The following C8B variants were observed in gnomAD, a reference collection of about 807,000 sequenced individuals.
C8B encodes the protein complement component C8 beta chain.
Under a neutral mutation model 64.6 loss-of-function variants are expected in C8B, and 67 were observed. That is an observed-to-expected ratio of 1.04 (90% CI 0.85 to 1.27). The LOEUF is 1.27. C8B is among the 50% of genes most tolerant of loss of function. C8B has a pLI of 0.00. For synonymous variants in C8B, 284 were observed against 257.7 expected (o/e 1.10, Z -0.98); for missense variants, 790 against 725.2 (o/e 1.09, Z -1.03).
At chr1:56,963,784 T>C in intron 1 of C8B, 2 of 790,546 alleles carry the variant, frequency 2.5e-6, no homozygotes, top group Non-Finnish European at 3.1e-6. Context: ...GGAATAGCTG[T>C]GAGGATTATA....
chr1:56,943,002 G>A (rs1164846149), intron 8 of C8B, among the ~76,000 whole-genome samples: 1 of 151,842 alleles, frequency 6.6e-6, no homozygotes, highest in Non-Finnish European at 1.5e-5. Context: ...AGGCTGAGGT[G>A]AGAGGATTGC....
At chr1:56,931,199 A>G (rs1644696192) in intron 11 of C8B, among the ~76,000 whole-genome samples, 1 of 152,230 alleles carries the variant, frequency 6.6e-6, no homozygotes, top group African/African-American at 2.4e-5. Flanking sequence ...AACTGGCCAA[A>G]GAATTTGAGA....
chr1:56,949,622 A>G lies in C8B; in HGVS notation c.797T>C (p.Leu266Pro). 5.6e-6 allele frequency: 9 copies of G among 1,614,128 alleles called. No homozygotes were observed. The highest frequency in any genetic ancestry group is 7.6e-6 in the Non-Finnish European group (9 of 1,179,990). The change falls in exon 6 of 12, where the codon CTT (leucine) becomes CCT (proline). Residue 266 changes from leucine to proline, a missense_variant. Transcript: ENST00000371237. The part of the protein sequence containing the change: ...FGFKIPGIFE[L>P]GISSQSDRGK... ...TCGATCACTTTGACTACTGATGCCA[A>G]GTTCAAATATTCCAGGTATTTTAAA... is the stretch of plus-strand genomic sequence containing the variant.
rs927015641 is a variant in C8B, at chr1:56,959,433, G to C, written c.249+587C>G. On this transcript the variant is annotated intron_variant, in intron 2 of 11. Coordinates refer to ENST00000371237, the MANE Select transcript of C8B (RefSeq NM_000066.4). The stretch of plus-strand genomic sequence containing the variant: ...CAACTGGAGGTAGGGCTGAGGAGGA[G>C]TCAAAAAGCTTTCTCAAAAGAGGCA... 4.0e-6 allele frequency: 3 copies of C among 754,876 alleles called. No individual in the cohort carries two copies. The Admixed American group carries it at 6.1e-5, about 15-fold the overall frequency. The allele number at this position is 754,876 out of a possible 1,614,324, so 46.8% of individuals were successfully genotyped here.
intron 2 of C8B, among the ~76,000 whole-genome samples, chr1:56,957,123 A>G (rs533596476): frequency 3.9e-5 from 6 of 152,186 alleles, no homozygotes; most frequent in African/African-American, 1.2e-4. Context: ...GGTTTCTTCA[A>G]TTAGTCTGTG....
rs1384677909 is a variant in C8B at position 56,949,744 on chromosome 1, G to T, written c.675C>A (p.Gly225=). 6.2e-6 allele frequency: 10 copies of T among 1,611,196 alleles called. No homozygotes were observed. Among genetic ancestry groups the T allele is most frequent in the Admixed American group, 1.7e-5 (1 of 59,972 alleles). Residue 225 remains glycine (G), a synonymous_variant, in exon 6 of 12, where the codon GGC becomes GGA. Coordinates refer to ENST00000371237, the MANE Select transcript of C8B (RefSeq NM_000066.4). ...ACTCTTTTAATATGAATTCGTATTT[G>T]CCTTGGGTCTAAAGAAGAAAAAAGA... The part of the protein sequence containing the change: ...NVESYTPQTQ[G]KYEFILKEYE...
intron 1 of C8B, among the ~76,000 whole-genome samples, chr1:56,965,163 G>C (rs1021922822): frequency 6.6e-6 from 1 of 152,138 alleles, no homozygotes; most frequent in Non-Finnish European, 1.5e-5. Context: ...CATGGAGGCC[G>C]GGGACACATG....
chr1:56,945,877 A>C lies in C8B; in HGVS notation c.1049T>G (p.Leu350Arg). The C allele has an allele frequency of 6.2e-7, 1 of 1,614,104 alleles. No homozygotes were observed. The highest frequency in any genetic ancestry group is 8.5e-7 in the Non-Finnish European group (1 of 1,179,986). The change falls in exon 7 of 12, where the codon CTT (leucine) becomes CGT (arginine). Residue 350 changes from leucine to arginine, a missense_variant. Transcript: ENST00000371237. The stretch of plus-strand genomic sequence containing the variant: ...GAGGGTGTATTCATAAATGCCCCCA[A>C]GCACAGCCTCTGTGATGTAGTGGGT... ...FGTHYITEAV[L>R]GGIYEYTLVM...
intron 1 of C8B, 104 bp downstream of exon 1, chr1:56,965,753 G>A (rs542447186): frequency 2.1e-4 from 262 of 1,260,442 alleles, no homozygotes; most frequent in Non-Finnish European, 2.8e-4. Flanking sequence ...CTTAAGAGAC[G>A]TTCCTCATTC....
intron 5 of C8B, among the ~76,000 whole-genome samples, chr1:56,951,572 A>G (rs1199943974): frequency 3.3e-5 from 5 of 152,214 alleles, no homozygotes; most frequent in African/African-American, 1.2e-4. Context: ...TTTGATAAGA[A>G]TGCAATAACA....
At position 56,960,186 on chromosome 1, in the gene C8B, A is replaced by AT; in HGVS notation, c.93-11dup. 6.2e-7 allele frequency: 1 copy of AT among 1,613,812 alleles called. No homozygotes were observed. Among genetic ancestry groups the AT allele is most frequent in the Non-Finnish European group, 8.5e-7 (1 of 1,179,782 alleles). On this transcript the variant is annotated splice_polypyrimidine_tract_variant and intron_variant, in intron 1 of 11. Transcript: ENST00000371237. ...ATGTGGCCTTTCACCTCTAAAAGTC[A>AT]TTATGAGAGAAGAGAGTCACGTATC...
At position 56,954,775 on chromosome 1, in the gene C8B, G is replaced by T; in HGVS notation, c.444C>A (p.Asp148Glu). 3 of 1,613,832 alleles carry T rather than the reference G, an allele frequency of 1.9e-6. No homozygotes were observed. Among genetic ancestry groups the T allele is most frequent in the Non-Finnish European group, 2.5e-6 (3 of 1,179,782 alleles). ...TTCTACAGTTTGCTTCATCTGACTG[G>T]TCTCCACAGTCATTGTCCCCATTGC... ...LLCNGDNDCG[D>E]QSDEANCRRI... is the part of the protein sequence containing the mutation. The change falls in exon 4 of 12, where the codon GAC becomes GAA. Residue 148 changes from aspartate to glutamate, a missense_variant. Coordinates refer to ENST00000371237, the MANE Select transcript of C8B (RefSeq NM_000066.4).
In C8B at chr1:56,960,089, C is replaced by G; in HGVS notation, c.180G>C (p.Leu60=). 6.2e-7 allele frequency: 1 copy of G among 1,614,110 alleles called. No individual in the cohort carries two copies. Among genetic ancestry groups the G allele is most frequent in the Non-Finnish European group, 8.5e-7 (1 of 1,180,004 alleles). Reference sequence around the variant, plus strand: ...TAGACAGCTCACAATCAATGGGCATCAGGGTAACATCCACACTCCGCATCT... The same window carrying G: ...TAGACAGCTCACAATCAATGGGCATGAGGGTAACATCCACACTCCGCATCT... The part of the protein sequence containing the change: ...SRQMRSVDVT[L]MPIDCELSSW... Residue 60 remains leucine, a synonymous_variant, in exon 2 of 12, where the codon CTG becomes CTC. Coordinates refer to ENST00000371237, the MANE Select transcript of C8B (RefSeq NM_000066.4).
At chr1:56,941,083 C>T in intron 8 of C8B, 71 bp from the exon 9 acceptor site, 3 of 1,539,434 alleles carry the variant, frequency 1.9e-6, no homozygotes, top group Non-Finnish European at 2.7e-6. Context: ...TGCAACCCAA[C>T]CAACAATTTG....
chr1:56,935,308 A>G (rs549762055), intron 9 of C8B, among the ~76,000 whole-genome samples: 9 of 152,190 alleles, frequency 5.9e-5, no homozygotes, highest in African/African-American at 2.2e-4. Flanking sequence ...AATATAGCAC[A>G]TTCGTCTGTT....
At position 56,943,693 on chromosome 1, in the gene C8B, C is replaced by G. The variant is rs775529138; in HGVS notation, c.1234+3G>C. On this transcript the variant is annotated splice_donor_region_variant and intron_variant, in intron 8 of 11. Coordinates refer to ENST00000371237, the MANE Select transcript of C8B (RefSeq NM_000066.4). ...GTGGAAGTCACAAGCCCCTGTCACT[C>G]ACCTTTTATTTCATTCAGAATACCT... 4.3e-6 allele frequency: 7 copies of G among 1,613,912 alleles called. No individual in the cohort carries two copies. In the East Asian group the frequency reaches 1.1e-4, roughly 26 times the overall value.
At chr1:56,959,427 G>A in intron 2 of C8B, 3 of 719,490 alleles carry the variant, frequency 4.2e-6, no homozygotes, top group Middle Eastern at 2.3e-4. Context: ...GTAGGGCTGA[G>A]GAGGAGTCAA....
chr1:56,929,446 G>A lies in C8B; in HGVS notation c.1734C>T (p.Ser578=), dbSNP rs1171052467. The A allele has an allele frequency of 2.5e-6, 4 of 1,612,500 alleles. No homozygotes were observed. The highest frequency in any genetic ancestry group is 1.1e-5 in the South Asian group (1 of 91,022). The stretch of plus-strand genomic sequence containing the variant: ...TTTCTGAAGCAGGGCCTGAACAGGG[G>A]CTACCCCCATTTTGAGGAGGTGGAT... ...CNNPPPQNGG[S]PCSGPASETL... is the part of the protein sequence containing the mutation. Residue 578 remains serine, a synonymous_variant, in exon 12 of 12, where the codon AGC becomes AGT. Transcript: ENST00000371237.
At chr1:56,940,260 T>C (rs780866907) in intron 9 of C8B, among the ~76,000 whole-genome samples, 19 of 152,070 alleles carry the variant, frequency 1.2e-4, no homozygotes, top group East Asian at 3.8e-4. Flanking sequence ...AATTAATATT[T>C]CTTTTATTTC....
Sources: allele counts gnomAD v4.1 joint callset (sites outside exome capture counted in the v4.1 genomes callset), GRCh38; gene constraint gnomAD v4.1.1; transcripts MANE v1.5; gene names NCBI Gene and HGNC (gene_info 2026-07-23, HGNC 2026-07-21).